Variants in PLIN5 observed in about 807,000 individuals in gnomAD.
The protein encoded by PLIN5 is perilipin-5.
A neutral mutation model predicts 32.8 loss-of-function variants in PLIN5; 34 were observed. That is an observed-to-expected ratio of 1.04 (90% CI 0.79 to 1.38). The LOEUF is 1.38. Among genes scored for constraint, PLIN5 ranks in the 40% most tolerant of loss-of-function variants. The pLI is 0.00. For synonymous variants in PLIN5, 309 were observed against 292.9 expected (o/e 1.05, Z -0.56); for missense variants, 712 against 660.5 (o/e 1.08, Z -0.85).
Position 4,525,555 on chromosome 19 carries a change from G to T in PLIN5, c.720+78C>A, listed in dbSNP as rs1454611008. ...CCGCCTCCTGCTTTAGGCTAGCACG[G>T]GATCCGGTATTCAGCTGGTGCTCAA... On this transcript the variant is annotated intron_variant, in intron 6 of 7. Coordinates refer to ENST00000381848, the MANE Select transcript of PLIN5 (RefSeq NM_001013706.3). This position sits in a 1 kb window ranked among gnomAD's most constrained non-coding sequence, Gnocchi z 5.6. 2.9e-5 allele frequency: 45 copies of T among 1,542,376 alleles called. No homozygotes were observed. Among genetic ancestry groups the T allele is most frequent in the Non-Finnish European group, 3.4e-5 (39 of 1,132,920 alleles).
At position 4,524,025 on chromosome 19, in the gene PLIN5, C is replaced by G; in HGVS notation, c.895G>C (p.Glu299Gln). 1 of 1,494,712 alleles carries G rather than the reference C, an allele frequency of 6.7e-7. No homozygotes were observed. The highest frequency in any genetic ancestry group is 8.8e-7 in the Non-Finnish European group (1 of 1,131,736). 92.6% of individuals were successfully genotyped at this position (1,494,712 alleles called of 1,614,324 possible). The change falls in exon 8 of 8, where the codon GAG becomes CAG. Residue 299 changes from glutamate to glutamine, a missense_variant. Glu to Gln is a conservative substitution (Grantham distance 29). Transcript: ENST00000381848. ...CCCCGCACGCTGGACTCCAGAGCCT[C>G]TACCGTGCCCTGCAGCTCCTGGGTC... The part of the protein sequence containing the change: ...SLTQELQGTV[E>Q]ALESSVRGLP...
chr19:4,529,910 G>T, intron 3 of PLIN5, 44 bp from the exon 4 acceptor site: 1 of 1,297,350 alleles, frequency 7.7e-7, no homozygotes, highest in Non-Finnish European at 1.1e-6. Flanking sequence ...GAGACGCAGA[G>T]GGAGATAGGG....
intron 4 of PLIN5, 70 bp downstream of exon 4, chr19:4,529,714 C>CCAACCAACCAA: frequency 1.3e-5 from 15 of 1,138,802 alleles, no homozygotes; most frequent in Non-Finnish European, 1.8e-5. Flanking sequence ...TGTCACCATC[C>CCAACCAACCAA]CTCCCTCCCT....
At chr19:4,524,919 C>T (rs1206489473) in intron 7 of PLIN5, 44 bp downstream of exon 7, 2 of 1,483,148 alleles carry the variant, frequency 1.3e-6, no homozygotes, top group Non-Finnish European at 1.8e-6. Flanking sequence ...TCCTCCGCGG[C>T]CTGGTGGCAG....
At chr19:4,526,912 C>G (rs1234604213) in intron 5 of PLIN5, among the ~76,000 whole-genome samples, 1 of 150,804 alleles carries the variant, frequency 6.6e-6, no homozygotes, top group Admixed American at 6.6e-5. Context: ...AAGAGAAAAT[C>G]CACACAAGAT....
chr19:4,527,144 C>T (rs1054198381), intron 5 of PLIN5, among the ~76,000 whole-genome samples: 12 of 151,686 alleles, frequency 7.9e-5, no homozygotes, highest in East Asian at 6.0e-4. Context: ...GGCGCAATCT[C>T]GGCTCACTGC....
chr19:4,534,117 G>C (rs773426087), intron 1 of PLIN5, 22 bp from the exon 2 acceptor site: 1 of 1,588,886 alleles, frequency 6.3e-7, no homozygotes, highest in Non-Finnish European at 8.6e-7. Flanking sequence ...GATTGAGTAA[G>C]GGGAGCACCT....
intron 5 of PLIN5, chr19:4,528,712 G>C (rs1293421961): frequency 5.7e-6 from 1 of 175,878 alleles, no homozygotes; most frequent in African/African-American, 2.4e-5. Context: ...CTGGCAGTGT[G>C]TCTGGTTTTT....
At position 4,531,677 on chromosome 19, in the gene PLIN5, G is replaced by A. The variant is rs1976886525; in HGVS notation, c.206C>T (p.Thr69Ile). The A allele has an allele frequency of 6.5e-7, 1 of 1,547,840 alleles. No homozygotes were observed. Among genetic ancestry groups the A allele is most frequent in the African/African-American group, 1.4e-5 (1 of 73,336 alleles). Residue 69 changes from threonine (T) to isoleucine (I), a missense_variant, in exon 3 of 8, where the codon ACC becomes ATC. By Grantham distance (89) the Thr-to-Ile change is moderately conservative (BLOSUM62 -1). Transcript: ENST00000381848. ...LAENCVCGLT[T>I]RALDHAQPLL... ...CGGCTGGGCGTGGTCCAGGGCACGG[G>A]TGGTCAGGCCGCACACGCAGTTCTC...
rs938044327 is a variant in PLIN5, at chr19:4,523,897, C to T, written c.1023G>A (p.Ala341=). The change falls in exon 8 of 8, where the codon GCG becomes GCA. Residue 341 remains alanine, a synonymous_variant. Coordinates refer to ENST00000381848, the MANE Select transcript of PLIN5 (RefSeq NM_001013706.3). The surrounding 1 kb of genome is among the most constrained non-coding windows in gnomAD (Gnocchi z 5.0). Reference sequence around the variant, plus strand: ...GACCCCGGCCCTCGGCCAGCGCGGCCGCTGGCACGTCCCTGAAGCAGCGGG... The same window carrying T: ...GACCCCGGCCCTCGGCCAGCGCGGCTGCTGGCACGTCCCTGAAGCAGCGGG... ...ADARCFRDVP[A]AALAEGRGRV... The T allele has an allele frequency of 2.2e-5, 34 of 1,516,924 alleles. No homozygotes were observed. The highest frequency in any genetic ancestry group is 2.8e-5 in the African/African-American group (2 of 70,240). The allele number at this position is 1,516,924 out of a possible 1,614,324, so 94.0% of individuals were successfully genotyped here.
intron 5 of PLIN5, among the ~76,000 whole-genome samples, chr19:4,527,083 T>A (rs566166738): frequency 0.014 from 1,715 of 122,190 alleles, 11 homozygotes; most frequent in African/African-American, 0.021. Flanking sequence ...AGAAAAAAAA[T>A]TTTTTTTTTT....
Position 4,525,017 on chromosome 19 carries a change from G to A in PLIN5, c.780C>T (p.His260=), listed in dbSNP as rs757047871. 5 of 1,504,952 alleles carry A rather than the reference G, an allele frequency of 3.3e-6. No homozygotes were observed. Among genetic ancestry groups the A allele is most frequent in the Non-Finnish European group, 4.4e-6 (5 of 1,127,892 alleles). The allele number at this position is 1,504,952 out of a possible 1,614,324, so 93.2% of individuals were successfully genotyped here. The stretch of plus-strand genomic sequence containing the variant: ...GCTGGCCCCATTCCCCCCACAGCTC[G>A]TGCACCTTCCCAGGGCAGGCCGGGG... The part of the protein sequence containing the change: ...PTAPACPGKV[H]ELWGEWGQRP... Residue 260 remains histidine (H), a synonymous_variant, in exon 7 of 8, where the codon CAC becomes CAT. Transcript: ENST00000381848. This position sits in a 1 kb window ranked among gnomAD's most constrained non-coding sequence, Gnocchi z 5.6.
chr19:4,534,518 G>A (rs1976924456), intron 1 of PLIN5, among the ~76,000 whole-genome samples: 2 of 152,202 alleles, frequency 1.3e-5, no homozygotes, highest in South Asian at 2.1e-4. Flanking sequence ...GATTACCCAC[G>A]TGCCACCATG....
Position 4,522,910 on chromosome 19 carries a change from G to A in PLIN5, c.*618C>T, listed in dbSNP as rs1976747887. 1 of 151,916 alleles carries A rather than the reference G, an allele frequency of 6.6e-6. No homozygotes were observed. The highest frequency in any genetic ancestry group is 1.5e-5 in the Non-Finnish European group (1 of 67,996). The allele number at this position is 151,916 out of a possible 1,614,324, so 9.4% of individuals were successfully genotyped here. On this transcript the variant is annotated 3_prime_UTR_variant, in exon 8 of 8. Transcript: ENST00000381848. ...GGCAAAATGTGTATTTCTTCGGGAG[G>A]CTGTTACTATTATTTTTTGTTAGAT...
intron 2 of PLIN5, chr19:4,533,476 G>C (rs1039933072): frequency 1.2e-5 from 2 of 165,000 alleles, no homozygotes; most frequent in Admixed American, 1.2e-4. Flanking sequence ...TTAGAGTCTG[G>C]GGGTTCAGAG....
In PLIN5 at chr19:4,523,046, C is replaced by T. The variant is rs540813256; in HGVS notation, c.*482G>A. 6.6e-6 allele frequency: 1 copy of T among 152,106 alleles called. No individual in the cohort carries two copies. The highest frequency in any genetic ancestry group is 2.1e-4 in the South Asian group (1 of 4,820). 9.4% of individuals were successfully genotyped at this position (152,106 alleles called of 1,614,324 possible). ...TCTTCTGCGTCAGCCTCACAACTAG[C>T]TGGGACTACAGGTGCACACCACCAC... On this transcript the variant is annotated 3_prime_UTR_variant, in exon 8 of 8. Transcript: ENST00000381848. This position sits in a 1 kb window ranked among gnomAD's most constrained non-coding sequence, Gnocchi z 5.0.
At position 4,523,408 on chromosome 19, in the gene PLIN5, T is replaced by C. The variant is rs1976754864; in HGVS notation, c.*120A>G. 2 of 1,178,476 alleles carry C rather than the reference T, an allele frequency of 1.7e-6. No homozygotes were observed. The allele number at this position is 1,178,476 out of a possible 1,614,324, so 73.0% of individuals were successfully genotyped here. ...AAAAAGGTGGTCAGAGATCCGGAGT[T>C]GGGCCTGATTCCAAAGAAGGGTCAA... is the stretch of plus-strand genomic sequence containing the variant. On this transcript the variant is annotated 3_prime_UTR_variant, in exon 8 of 8. Transcript: ENST00000381848. This position sits in a 1 kb window ranked among gnomAD's most constrained non-coding sequence, Gnocchi z 5.0.
chr19:4,525,523 C>G lies in PLIN5; in HGVS notation c.720+110G>C. 7.4e-7 allele frequency: 1 copy of G among 1,349,434 alleles called. No individual in the cohort carries two copies. The highest frequency in any genetic ancestry group is 1.0e-6 in the Non-Finnish European group (1 of 988,034). 83.6% of individuals were successfully genotyped at this position (1,349,434 alleles called of 1,614,324 possible). A position where few individuals can be genotyped will look rare whatever the true frequency, so the allele number is the denominator to read the frequency against. On this transcript the variant is annotated intron_variant, in intron 6 of 7. Coordinates refer to ENST00000381848, the MANE Select transcript of PLIN5 (RefSeq NM_001013706.3). The surrounding 1 kb of genome is among the most constrained non-coding windows in gnomAD (Gnocchi z 5.6). ...ACACATGCAGCTGGAGACAGCTGCA[C>G]CCAGCTCCGCCTCCTGCTTTAGGCT...
rs1252775876 is a variant in PLIN5, at chr19:4,525,984, C to G, written c.521-152G>C. On this transcript the variant is annotated intron_variant, in intron 5 of 7. Coordinates refer to ENST00000381848, the MANE Select transcript of PLIN5 (RefSeq NM_001013706.3). This position sits in a 1 kb window ranked among gnomAD's most constrained non-coding sequence, Gnocchi z 5.6. ...GACAGCATGGGGTCAGCACAGCCAC[C>G]CACCCCCTCCACATCTGCTCACCCA... 4.0e-6 allele frequency: 3 copies of G among 759,418 alleles called. No homozygotes were observed. The African/African-American group carries it at 4.9e-5, about 12-fold the overall frequency. The allele number at this position is 759,418 out of a possible 1,614,324, so 47.0% of individuals were successfully genotyped here.
Sources: gnomAD v4.1 joint callset for allele counts (sites outside exome capture counted in the v4.1 genomes callset) on GRCh38, gnomAD v4.1.1 for gene constraint, Gnocchi (gnomAD v3.1) non-coding constraint, MANE v1.5 for transcripts, NCBI Gene and HGNC (gene_info 2026-07-23, HGNC 2026-07-21) for gene names.